ANKRD12: variants seen among roughly 807,000 people sequenced by gnomAD.
ANKRD12 encodes the protein ankyrin repeat domain-containing protein 12.
A neutral mutation model predicts 183.4 loss-of-function variants in ANKRD12; 85 were observed. The ratio of observed to expected loss-of-function variants is 0.46; its 90% CI spans 0.39 to 0.56. ANKRD12 has a LOEUF of 0.56. Ranked by LOEUF, ANKRD12 falls within the 20% of genes least tolerant of loss-of-function variation. ANKRD12 has a pLI of 0.00. For synonymous variants in ANKRD12, 914 were observed against 800.2 expected (o/e 1.14, Z -2.40); for missense variants, 2,405 against 2,357.1 (o/e 1.02, Z -0.42).
chr18:9,202,147 T>G (rs974242623), intron 3 of ANKRD12, among the ~76,000 whole-genome samples: 1 of 152,176 alleles, frequency 6.6e-6, no homozygotes, highest in South Asian at 2.1e-4. Context: ...TTTAAAAAGA[T>G]AATGTGTTAT....
At chr18:9,172,712 A>T (rs140186975) in intron 1 of ANKRD12, among the ~76,000 whole-genome samples, 2 of 152,002 alleles carry the variant, frequency 1.3e-5, no homozygotes, top group Non-Finnish European at 2.9e-5. Context: ...TCTGAAGCCT[A>T]CTTCTATCAG....
intron 1 of ANKRD12, among the ~76,000 whole-genome samples, chr18:9,169,020 C>T (rs12966956): frequency 0.79 from 119,650 of 151,716 alleles, 47,386 homozygotes; most frequent in Middle Eastern, 0.88. Flanking sequence ...TTCCATGTAG[C>T]TGAGTGGTTT....
At chr18:9,277,321 C>CTTTTT (rs773999861) in intron 11 of ANKRD12, among the ~76,000 whole-genome samples, 7 of 84,630 alleles carry the variant, frequency 8.3e-5, no homozygotes, top group Non-Finnish European at 1.1e-4. Context: ...CACCCTGTTT[C>CTTTTT]TTTTTTTTTT....
At chr18:9,167,492 G>T (rs983801188) in intron 1 of ANKRD12, among the ~76,000 whole-genome samples, 27 of 152,176 alleles carry the variant, frequency 1.8e-4, no homozygotes, top group Non-Finnish European at 2.9e-5. Context: ...GTGAATGGGA[G>T]TTCACTCATG....
chr18:9,285,208 CAA>C lies in ANKRD12; in HGVS notation c.*4096_*4097del, dbSNP rs1213192761. On this transcript the variant is annotated 3_prime_UTR_variant, in exon 13 of 13. Coordinates refer to ENST00000262126, the MANE Select transcript of ANKRD12 (RefSeq NM_015208.5). ...TGGGCGACAGAGCGAGACTCCGTCT[CAA>C]AAAAAAAAAAAAAGAAAGAAAAGAA... is the stretch of plus-strand genomic sequence containing the variant. 8.2e-5 allele frequency: 7 copies of C among 85,456 alleles called. No homozygotes were observed. Among genetic ancestry groups the C allele is most frequent in the Admixed American group, 2.6e-4 (2 of 7,718 alleles). The allele number at this position is 85,456 out of a possible 1,614,324, so 5.3% of individuals were successfully genotyped here. A position where few individuals can be genotyped will look rare whatever the true frequency, so the allele number is the denominator to read the frequency against.
chr18:9,198,684 GGATTACAGGCGCCTGCCAC>G (rs2034990289), intron 3 of ANKRD12, among the ~76,000 whole-genome samples: 1 of 151,940 alleles, frequency 6.6e-6, no homozygotes, highest in Admixed American at 6.6e-5. Flanking sequence ...CGAGTAGCTG[GGATTACAGGCGCCTGCCAC>G]GATGCCTGGC....
At chr18:9,175,816 C>G (rs2144076746) in intron 1 of ANKRD12, among the ~76,000 whole-genome samples, 1 of 152,200 alleles carries the variant, frequency 6.6e-6, no homozygotes, top group South Asian at 2.1e-4. Flanking sequence ...GTGTGAGCCA[C>G]CACATTCAGC....
intron 1 of ANKRD12, among the ~76,000 whole-genome samples, chr18:9,165,869 CCTCCCCCCACCCCACAACAGT>C (rs1568241439): frequency 7.7e-6 from 1 of 130,324 alleles, no homozygotes; most frequent in African/African-American, 2.9e-5. Context: ...TCCCTCCCCC[CCTCCCCCCACCCCACAACAGT>C]CCCTGGTGTG....
At position 9,258,093 on chromosome 18, in the gene ANKRD12, T is replaced by A. The variant is rs1236865017; in HGVS notation, c.4826T>A (p.Leu1609Gln). The A allele has an allele frequency of 1.2e-6, 2 of 1,613,230 alleles. No homozygotes were observed. Among genetic ancestry groups the A allele is most frequent in the African/African-American group, 2.7e-5 (2 of 74,930 alleles). ...AATACACATTATGCATTTAGCAAAC[T>A]AACTTACAAGTCTTCCAGTGGCCAT... ...QLNTHYAFSK[L>Q]TYKSSSGHEV... The change falls in exon 9 of 13, where the codon CTA becomes CAA. Residue 1609 changes from leucine (L) to glutamine (Q), a missense_variant. By Grantham distance (113) the Leu-to-Gln change is moderately radical (BLOSUM62 -2). Coordinates refer to ENST00000262126, the MANE Select transcript of ANKRD12 (RefSeq NM_015208.5).
At chr18:9,141,330 T>C (rs1346168870) in intron 1 of ANKRD12, among the ~76,000 whole-genome samples, 1 of 152,216 alleles carries the variant, frequency 6.6e-6, no homozygotes, top group Non-Finnish European at 1.5e-5. Flanking sequence ...AATTCCACTT[T>C]GCTATTGATA....
At chr18:9,269,279 C>G (rs1015808539) in intron 10 of ANKRD12, among the ~76,000 whole-genome samples, 6 of 152,152 alleles carry the variant, frequency 3.9e-5, no homozygotes, top group Non-Finnish European at 7.4e-5. Flanking sequence ...CTTTAAAGTT[C>G]ATATGGAACC....
chr18:9,165,150 G>A (rs2031894352), intron 1 of ANKRD12, among the ~76,000 whole-genome samples: 1 of 152,010 alleles, frequency 6.6e-6, no homozygotes, highest in Non-Finnish European at 1.5e-5. Context: ...ACCATTACGT[G>A]ATGTCGTTTG....
intron 4 of ANKRD12, among the ~76,000 whole-genome samples, chr18:9,206,593 G>C (rs2035499045): frequency 6.6e-6 from 1 of 152,054 alleles, no homozygotes; most frequent in Non-Finnish European, 1.5e-5. Context: ...GTCTCATGCA[G>C]AATATGAACT....
intron 8 of ANKRD12, among the ~76,000 whole-genome samples, chr18:9,245,698 A>G (rs759217600): frequency 7.9e-5 from 12 of 152,178 alleles, no homozygotes; most frequent in African/African-American, 1.2e-4. Context: ...TAAAACTCAT[A>G]AACACTTATG....
In ANKRD12 at chr18:9,192,540, A is replaced by G. The variant is rs576970862; in HGVS notation, c.88-3011A>G. Among the ~76,000 whole-genome samples the G allele has an allele frequency of 5.3e-5, 8 of 152,278 alleles. No homozygotes were observed. In the South Asian group the frequency reaches 1.7e-3, roughly 32 times the overall value. On this transcript the variant is annotated intron_variant, in intron 2 of 12. Coordinates refer to ENST00000262126, the MANE Select transcript of ANKRD12 (RefSeq NM_015208.5). ...TATCAATTTCATTTTAGACTTCTAA[A>G]ATGAATTGGGTAACTTCTAATCTTT...
chr18:9,143,130 G>A (rs183074825), intron 1 of ANKRD12, among the ~76,000 whole-genome samples: 91 of 152,212 alleles, frequency 6.0e-4, no homozygotes, highest in African/African-American at 2.1e-3. Flanking sequence ...CTTCTATTGA[G>A]CTTCTGTACG....
At chr18:9,138,982 A>G (rs934658116) in intron 1 of ANKRD12, among the ~76,000 whole-genome samples, 2 of 152,234 alleles carry the variant, frequency 1.3e-5, no homozygotes, top group Admixed American at 1.3e-4. Flanking sequence ...TGTTAAGTGT[A>G]CTTATGTAGG....
chr18:9,231,508 T>C (rs1297411491), intron 8 of ANKRD12, among the ~76,000 whole-genome samples: 1 of 152,142 alleles, frequency 6.6e-6, no homozygotes, highest in East Asian at 1.9e-4. Context: ...TTTTTTGTCT[T>C]TTTTTAAACT....
Position 9,244,647 on chromosome 18 carries a change from G to A in ANKRD12, c.944-9564G>A, listed in dbSNP as rs2037852533. Among the ~76,000 whole-genome samples the A allele has an allele frequency of 4.6e-5, 7 of 152,310 alleles. No individual in the cohort carries two copies. In the South Asian group the frequency reaches 1.5e-3, roughly 32 times the overall value. ...TTCTGAGAGTTCATTGTGTCATGCT[G>A]TTGAGGATATGATGGCATTTTGTGC... On this transcript the variant is annotated intron_variant, in intron 8 of 12. Coordinates refer to ENST00000262126, the MANE Select transcript of ANKRD12 (RefSeq NM_015208.5).
Sources: gnomAD v4.1 joint callset for allele counts (sites outside exome capture counted in the v4.1 genomes callset) on GRCh38, gnomAD v4.1.1 for gene constraint, MANE v1.5 for transcripts, NCBI Gene and HGNC (gene_info 2026-07-23, HGNC 2026-07-21) for gene names.